RNF8: variants seen among roughly 807,000 people sequenced by gnomAD.
The protein encoded by RNF8 is ring finger protein 8.
A neutral mutation model predicts 59.3 loss-of-function variants in RNF8; 8 were observed. That is an observed-to-expected ratio of 0.13 (90% CI 0.08 to 0.24). RNF8 has a LOEUF of 0.24. Ranked by LOEUF, RNF8 falls within the 10% of genes least tolerant of loss-of-function variation. The probability of loss-of-function intolerance (pLI) is 1.00; values close to 1 mark genes in which losing one functional copy is unlikely to be tolerated. For missense variants in RNF8, 406 were observed against 572.6 expected, an observed-to-expected ratio of 0.71 and a Z score of 2.97; for synonymous variants, 162 against 200.0, an observed-to-expected ratio of 0.81 and a Z score of 1.60.
At position 37,358,253 on chromosome 6, in the gene RNF8, A is replaced by G. The variant is rs145428019; in HGVS notation, c.112-2193A>G. Among the ~76,000 whole-genome samples the G allele has an allele frequency of 5.3e-5, 8 of 152,350 alleles. No individual in the cohort carries two copies. In the East Asian group the frequency reaches 1.2e-3, roughly 22 times the overall value. On this transcript the variant is annotated intron_variant, in intron 1 of 7. Coordinates refer to ENST00000373479, the MANE Select transcript of RNF8 (RefSeq NM_003958.4). ...TGTTGGCACTATGGTATGAGTTAAG[A>G]CTAAAGAGTAGAAGGGCTCAGGACA... is the stretch of plus-strand genomic sequence containing the variant.
At chr6:37,386,221 T>C (rs1562099038) in intron 7 of RNF8, among the ~76,000 whole-genome samples, 1 of 152,174 alleles carries the variant, frequency 6.6e-6, no homozygotes, top group Non-Finnish European at 1.5e-5. Flanking sequence ...ATTCACCTAG[T>C]GAAACTTAGT....
At position 37,369,198 on chromosome 6, in the gene RNF8, G is replaced by A; in HGVS notation, c.955G>A (p.Glu319Lys). Reference sequence around the variant, plus strand: ...GGAGCAACTAGAGAAGACTTTCCAGGAAGAGGAACAGCATCTTCAGGTACC... The same window carrying A: ...GGAGCAACTAGAGAAGACTTTCCAGAAAGAGGAACAGCATCTTCAGGTACC... ...RVEQLEKTFQ[E>K]EEQHLQGLEI... Residue 319 changes from glutamate to lysine, a missense_variant, in exon 3 of 8, where the codon GAA becomes AAA. Physicochemically the swap from Glu to Lys is moderately conservative, Grantham distance 56. This residue lies in a region of RNF8 where 285 missense variants were observed against 342.0 expected (regional missense o/e 0.83). Transcript: ENST00000373479. The A allele has an allele frequency of 6.2e-7, 1 of 1,611,550 alleles. No individual in the cohort carries two copies. The highest frequency in any genetic ancestry group is 8.5e-7 in the Non-Finnish European group (1 of 1,178,860).
intron 4 of RNF8, among the ~76,000 whole-genome samples, chr6:37,373,361 T>C (rs1381261023): frequency 6.6e-6 from 1 of 152,200 alleles, no homozygotes; most frequent in Non-Finnish European, 1.5e-5. Flanking sequence ...ATACCTGTTA[T>C]TTTCTTATGA....
chr6:37,382,707 C>T lies in RNF8; in HGVS notation c.1441+1353C>T, dbSNP rs148383301. 1.3e-3 allele frequency among the ~76,000 whole-genome samples: 192 copies of T among 152,180 alleles called. 1 individual carries two copies. Among genetic ancestry groups the T allele is most frequent in the African/African-American group, 4.0e-3 (168 of 41,516 alleles). ...CATCAGGGAAAGAAAAGGCTGGGCA[C>T]GGTGGCTCATGCCTGTAATCCCAGC... On this transcript the variant is annotated intron_variant, in intron 7 of 7. Coordinates refer to ENST00000373479, the MANE Select transcript of RNF8 (RefSeq NM_003958.4).
rs1769880621 is a variant in RNF8 at position 37,373,218 on chromosome 6, G to A, written c.1039-1402G>A. Among the ~76,000 whole-genome samples the A allele has an allele frequency of 5.3e-5, 8 of 151,654 alleles. No homozygotes were observed. The South Asian group carries it at 1.7e-3, about 31-fold the overall frequency. On this transcript the variant is annotated intron_variant, in intron 4 of 7. Coordinates refer to ENST00000373479, the MANE Select transcript of RNF8 (RefSeq NM_003958.4). ...ACCGAGTGATTCATAAGTTCTCAGGGAATTTGACTATAGTTAGAAATGGGT... is the reference window on the plus strand; with the variant it reads ...ACCGAGTGATTCATAAGTTCTCAGGAAATTTGACTATAGTTAGAAATGGGT...
intron 4 of RNF8, among the ~76,000 whole-genome samples, chr6:37,373,553 C>T (rs195375): frequency 0.065 from 9,915 of 152,104 alleles, 1,058 homozygotes; most frequent in African/African-American, 0.22. Flanking sequence ...ACCATAGGCG[C>T]GCGCCACAAT....
chr6:37,385,106 C>T (rs1004293213), intron 7 of RNF8, among the ~76,000 whole-genome samples: 2 of 151,768 alleles, frequency 1.3e-5, no homozygotes, highest in Admixed American at 6.6e-5. Flanking sequence ...CTCCGCCTCC[C>T]GGGTTCAAGC....
Position 37,354,087 on chromosome 6 carries a change from T to C in RNF8, c.-78T>C. ...CTGTCTGTTATTTAGATATGGAAGC[T>C]GAGGGGATGCACAGAGGCAGCCAGA... On this transcript the variant is annotated 5_prime_UTR_variant, in exon 1 of 8. Coordinates refer to ENST00000373479, the MANE Select transcript of RNF8 (RefSeq NM_003958.4). 1 of 1,160,988 alleles carries C rather than the reference T, an allele frequency of 8.6e-7. No homozygotes were observed. Among genetic ancestry groups the C allele is most frequent in the South Asian group, 1.3e-5 (1 of 76,298 alleles). 71.9% of individuals were successfully genotyped at this position (1,160,988 alleles called of 1,614,324 possible). A position where few individuals can be genotyped will look rare whatever the true frequency, so the allele number is the denominator to read the frequency against.
chr6:37,374,816 T>C (rs1769942309), intron 5 of RNF8, 107 bp downstream of exon 5: 1 of 748,460 alleles, frequency 1.3e-6, no homozygotes, highest in Non-Finnish European at 2.3e-6. Flanking sequence ...TTATGGCTGC[T>C]CCTTGCCTCT....
rs1770751056 is a variant in RNF8, at chr6:37,392,387, T to G, written c.*1629T>G. ...TTTTTGAGTAGGCAATATGTTCACATAGTTTGAAATTAAAGGTACAAAATG... is the reference window on the plus strand; with the variant it reads ...TTTTTGAGTAGGCAATATGTTCACAGAGTTTGAAATTAAAGGTACAAAATG... On this transcript the variant is annotated 3_prime_UTR_variant, in exon 8 of 8. Transcript: ENST00000373479. 7.5e-6 allele frequency: 3 copies of G among 398,524 alleles called. No individual in the cohort carries two copies. The East Asian group carries it at 1.1e-4, about 14-fold the overall frequency. The allele number at this position is 398,524 out of a possible 1,614,324, so 24.7% of individuals were successfully genotyped here.
In RNF8 at chr6:37,376,875, T is replaced by C. The variant is rs754090544; in HGVS notation, c.1129-51T>C. 2.5e-6 allele frequency: 3 copies of C among 1,202,212 alleles called. No individual in the cohort carries two copies. The South Asian group carries it at 3.6e-5, about 15-fold the overall frequency. The allele number at this position is 1,202,212 out of a possible 1,614,324, so 74.5% of individuals were successfully genotyped here. A position where few individuals can be genotyped will look rare whatever the true frequency, so the allele number is the denominator to read the frequency against. On this transcript the variant is annotated intron_variant, in intron 5 of 7. Transcript: ENST00000373479. Reference sequence around the variant, plus strand: ...AATTGACCCTGCTCCCTGTCCCATTTTGCATTTTTGTTGGTTCTCTGAATG... The same window carrying C: ...AATTGACCCTGCTCCCTGTCCCATTCTGCATTTTTGTTGGTTCTCTGAATG...
At chr6:37,357,431 C>A (rs1034234847) in intron 1 of RNF8, among the ~76,000 whole-genome samples, 1 of 152,192 alleles carries the variant, frequency 6.6e-6, no homozygotes, top group Non-Finnish European at 1.5e-5. Flanking sequence ...TGTTTTGGTA[C>A]TGTTTTCCCC....
Position 37,394,181 on chromosome 6 carries a change from C to G in RNF8, c.*3423C>G, listed in dbSNP as rs1770799873. The G allele has an allele frequency of 6.6e-6, 1 of 152,182 alleles. No individual in the cohort carries two copies. Among genetic ancestry groups the G allele is most frequent in the African/African-American group, 2.4e-5 (1 of 41,454 alleles). The allele number at this position is 152,182 out of a possible 1,614,324, so 9.4% of individuals were successfully genotyped here. On this transcript the variant is annotated 3_prime_UTR_variant, in exon 8 of 8. Coordinates refer to ENST00000373479, the MANE Select transcript of RNF8 (RefSeq NM_003958.4). ...GTTATCTGTCTCTTGCTCTGAGATA[C>G]AGACTTGTTCATAGGTGTGGGGCCT...
chr6:37,374,590 C>T, intron 4 of RNF8, 30 bp from the exon 5 acceptor site: 1 of 1,548,260 alleles, frequency 6.5e-7, no homozygotes, highest in Non-Finnish European at 8.9e-7. Context: ...TGTAGTTCAT[C>T]CTGAGTATGT....
chr6:37,380,324 T>A (rs1432367772), intron 6 of RNF8, among the ~76,000 whole-genome samples: 1 of 152,172 alleles, frequency 6.6e-6, no homozygotes, highest in Non-Finnish European at 1.5e-5. Context: ...GCCTGGAACC[T>A]GAGTCTGTGA....
intron 7 of RNF8, 138 bp downstream of exon 7, chr6:37,381,492 A>G (rs1562096590): frequency 1.4e-6 from 1 of 713,766 alleles, no homozygotes; most frequent in Non-Finnish European, 2.3e-6. Flanking sequence ...GGGGAGGAGT[A>G]AAGGGAGTTA....
rs1246128353 is a variant in RNF8, at chr6:37,360,874, A to C, written c.240+300A>C. On this transcript the variant is annotated intron_variant, in intron 2 of 7. Coordinates refer to ENST00000373479, the MANE Select transcript of RNF8 (RefSeq NM_003958.4). This position sits in a 1 kb window ranked among gnomAD's most constrained non-coding sequence, Gnocchi z 4.2. ...TGGGCAAATAAGCCTGTTTGAGGTGAAGCTCCCAGAGACCCTGGGAATCTG... is the reference window on the plus strand; with the variant it reads ...TGGGCAAATAAGCCTGTTTGAGGTGCAGCTCCCAGAGACCCTGGGAATCTG... 6.6e-6 allele frequency among the ~76,000 whole-genome samples: 1 copy of C among 152,112 alleles called. No individual in the cohort carries two copies. The highest frequency in any genetic ancestry group is 1.9e-4 in the East Asian group (1 of 5,190).
At position 37,393,175 on chromosome 6, in the gene RNF8, G is replaced by A. The variant is rs1770771877; in HGVS notation, c.*2417G>A. On this transcript the variant is annotated 3_prime_UTR_variant, in exon 8 of 8. Transcript: ENST00000373479. ...TACAACAACATTAAAAGCCAGACTA[G>A]CGGAGTTTGAATCTTGGCCCTGCTG... 1 of 152,226 alleles carries A rather than the reference G, an allele frequency of 6.6e-6. No individual in the cohort carries two copies. The highest frequency in any genetic ancestry group is 1.9e-4 in the East Asian group (1 of 5,206). 9.4% of individuals were successfully genotyped at this position (152,226 alleles called of 1,614,324 possible). A position where few individuals can be genotyped will look rare whatever the true frequency, so the allele number is the denominator to read the frequency against.
In RNF8 at chr6:37,392,687, C is replaced by T. The variant is rs1770759203; in HGVS notation, c.*1929C>T. On this transcript the variant is annotated 3_prime_UTR_variant, in exon 8 of 8. Coordinates refer to ENST00000373479, the MANE Select transcript of RNF8 (RefSeq NM_003958.4). ...TTTTTTCATTGTGTATTTGCACCAT[C>T]ATTTACTTTTCTGGCTTACTTTTGA... 2 of 398,566 alleles carry T rather than the reference C, an allele frequency of 5.0e-6. No individual in the cohort carries two copies. Among genetic ancestry groups the T allele is most frequent in the Non-Finnish European group, 8.8e-6 (2 of 226,044 alleles). 24.7% of individuals were successfully genotyped at this position (398,566 alleles called of 1,614,324 possible).
Sources: allele counts gnomAD v4.1 joint callset (sites outside exome capture counted in the v4.1 genomes callset), GRCh38; gene constraint gnomAD v4.1.1; regional missense constraint gnomAD v4.1.1; non-coding constraint Gnocchi (gnomAD v3.1); transcripts MANE v1.5; gene names NCBI Gene and HGNC (gene_info 2026-07-23, HGNC 2026-07-21).